Variants in C14orf39 observed in about 807,000 individuals in gnomAD.
The protein encoded by C14orf39 is protein SIX6OS1.
C14orf39 carries 66 observed loss-of-function variants against 85.6 expected under a neutral mutation model. That is an observed-to-expected ratio of 0.77 (90% confidence interval 0.63 to 0.95). C14orf39 has a LOEUF of 0.95. Ranked by LOEUF, C14orf39 falls within the 40% of genes least tolerant of loss-of-function variation. The probability of loss-of-function intolerance (pLI) is 0.00; values close to 1 mark genes in which losing one functional copy is unlikely to be tolerated. For synonymous variants in C14orf39, 242 were observed against 214.0 expected, an observed-to-expected ratio of 1.13 and a Z score of -1.14; for missense variants, 735 against 663.9, an observed-to-expected ratio of 1.11 and a Z score of -1.18.
At position 60,466,013 on chromosome 14, in the gene C14orf39, T is replaced by C. The variant is rs145485727; in HGVS notation, c.938A>G (p.Asn313Ser). 2.8e-4 allele frequency: 436 copies of C among 1,567,670 alleles called. No individual in the cohort carries two copies. The highest frequency in any genetic ancestry group is 3.6e-4 in the Non-Finnish European group (422 of 1,160,742). ...ESSAKQSKLANIDFRQKENDT... is the reference protein window; with the variant it reads ...ESSAKQSKLASIDFRQKENDT... ...ATTTTCTTTTTGTCTAAAGTCAATA[T>C]TGGCAAGCTTTGACTGCTTCGCAGA... Residue 313 changes from asparagine (N) to serine (S), a missense_variant, in exon 11 of 18, where the codon AAT (asparagine) becomes AGT (serine). Asn to Ser is a conservative substitution (Grantham distance 46, BLOSUM62 1). Transcript: ENST00000321731.
chr14:60,439,802 G>A (rs1019613210), intron 17 of C14orf39, among the ~76,000 whole-genome samples: 2 of 152,176 alleles, frequency 1.3e-5, no homozygotes, highest in African/African-American at 2.4e-5. Context: ...GGCTGGGTAC[G>A]GTGGCTCACG....
intron 5 of C14orf39, among the ~76,000 whole-genome samples, chr14:60,476,073 A>G (rs928902748): frequency 6.6e-6 from 1 of 152,190 alleles, no homozygotes; most frequent in African/African-American, 2.4e-5. Flanking sequence ...TCTGAATATT[A>G]CTAAACTGTC....
At position 60,471,468 on chromosome 14, in the gene C14orf39, T is replaced by G. The variant is rs763599302; in HGVS notation, c.512-9A>C. On this transcript the variant is annotated splice_polypyrimidine_tract_variant and intron_variant, in intron 6 of 17. Transcript: ENST00000321731. ...TGGAAAGGGAGCAGGCACTGAAAAA[T>G]AAAGTCACAGCATAAGCTGATTATT... 6.3e-7 allele frequency: 1 copy of G among 1,599,074 alleles called. No homozygotes were observed. The highest frequency in any genetic ancestry group is 1.1e-5 in the South Asian group (1 of 89,098).
At chr14:60,511,786 A>G (rs1893298118) in intron 1 of C14orf39, 3 of 163,698 alleles carry the variant, frequency 1.8e-5, no homozygotes, top group African/African-American at 7.2e-5. Context: ...AAAACAACCT[A>G]GTGGGCAACC....
Position 60,484,154 on chromosome 14 carries a change from G to A in C14orf39, c.107-337C>T, listed in dbSNP as rs989060328. On this transcript the variant is annotated intron_variant, in intron 3 of 17. Transcript: ENST00000321731. The surrounding 1 kb of genome is among the most constrained non-coding windows in gnomAD (Gnocchi z 4.2). Reference sequence around the variant, plus strand: ...TATGAATTCTTGCAAACATTTATTCGTTAATGACACTAATAGAAGCCTTCT... The same window carrying A: ...TATGAATTCTTGCAAACATTTATTCATTAATGACACTAATAGAAGCCTTCT... Among the ~76,000 whole-genome samples the A allele has an allele frequency of 2.6e-5, 4 of 152,128 alleles. No homozygotes were observed. The highest frequency in any genetic ancestry group is 9.7e-5 in the African/African-American group (4 of 41,434).
chr14:60,447,433 T>C (rs1890824311), intron 16 of C14orf39, among the ~76,000 whole-genome samples: 1 of 152,178 alleles, frequency 6.6e-6, no homozygotes, highest in Non-Finnish European at 1.5e-5. Context: ...ATGAGTGAAC[T>C]CCCATTCACA....
chr14:60,448,838 C>T (rs528027755), intron 16 of C14orf39, among the ~76,000 whole-genome samples: 76 of 152,236 alleles, frequency 5.0e-4, no homozygotes, highest in African/African-American at 1.8e-3. Context: ...ACATATACAC[C>T]ATGGAATACT....
chr14:60,492,565 A>C (rs924564347), intron 2 of C14orf39, among the ~76,000 whole-genome samples: 1 of 151,756 alleles, frequency 6.6e-6, no homozygotes, highest in Non-Finnish European at 1.5e-5. Flanking sequence ...CTTGAGTTCG[A>C]GACCAGCCTG....
intron 7 of C14orf39, 101 bp from the exon 8 acceptor site, chr14:60,469,754 ATGTTT>A: frequency 7.3e-6 from 4 of 548,506 alleles, no homozygotes; most frequent in Non-Finnish European, 1.1e-5. Flanking sequence ...ATTTATATGT[ATGTTT>A]CATATAAACA....
chr14:60,501,718 A>G lies in C14orf39; in HGVS notation c.-143-2288T>C, dbSNP rs78265210. On this transcript the variant is annotated intron_variant, in intron 1 of 5. Transcript: ENST00000556799. Reference sequence around the variant, plus strand: ...TTATTGCAACAACAGTGGTCCACAGAATAGGAAGGCCTACTTCAAAATAAC... The same window carrying G: ...TTATTGCAACAACAGTGGTCCACAGGATAGGAAGGCCTACTTCAAAATAAC... Among the ~76,000 whole-genome samples, 30 of 152,332 alleles carry G rather than the reference A, an allele frequency of 2.0e-4. No individual in the cohort carries two copies. The East Asian group carries it at 5.2e-3, about 26-fold the overall frequency.
chr14:60,478,006 C>T (rs948113842), intron 5 of C14orf39, among the ~76,000 whole-genome samples: 2 of 151,614 alleles, frequency 1.3e-5, no homozygotes, highest in Non-Finnish European at 2.9e-5. Context: ...GGTGAAACCC[C>T]GTCTCTACTA....
At chr14:60,459,010 G>A (rs543287165) in intron 13 of C14orf39, among the ~76,000 whole-genome samples, 15 of 151,814 alleles carry the variant, frequency 9.9e-5, no homozygotes, top group African/African-American at 3.1e-4. Context: ...TATTCACCAT[G>A]TCTTGCTCCT....
chr14:60,442,486 G>A (rs1249504527), intron 16 of C14orf39, among the ~76,000 whole-genome samples: 3 of 152,092 alleles, frequency 2.0e-5, no homozygotes, highest in African/African-American at 7.2e-5. Context: ...CTTCATGTCA[G>A]TTGAGATCAA....
intron 2 of C14orf39, chr14:60,495,882 T>C: frequency 2.6e-6 from 1 of 389,996 alleles, no homozygotes; most frequent in Admixed American, 3.0e-5. Context: ...CAGTATAGAA[T>C]ATAGAAAGAA....
intron 16 of C14orf39, among the ~76,000 whole-genome samples, chr14:60,443,384 T>TC (rs1292733303): frequency 2.6e-5 from 4 of 152,158 alleles, no homozygotes; most frequent in African/African-American, 9.7e-5. Flanking sequence ...CGTGCCTGGC[T>TC]CGGTGAGTGC....
chr14:60,487,550 G>T (rs1892919450), upstream of C14orf39, among the ~76,000 whole-genome samples: 1 of 152,002 alleles, frequency 6.6e-6, no homozygotes, highest in Admixed American at 6.6e-5. Context: ...GATAGGTTGA[G>T]TATATATCTT....
intron 5 of C14orf39, among the ~76,000 whole-genome samples, chr14:60,471,964 T>A (rs1380827172): frequency 6.6e-6 from 1 of 152,010 alleles, no homozygotes; most frequent in Non-Finnish European, 1.5e-5. Flanking sequence ...TTCTATTCAT[T>A]TTAACTCCTA....
At position 60,483,750 on chromosome 14, in the gene C14orf39, T is replaced by G. The variant is rs745368750; in HGVS notation, c.174A>C (p.Thr58=). 1.3e-6 allele frequency: 2 copies of G among 1,589,418 alleles called. No homozygotes were observed. Among genetic ancestry groups the G allele is most frequent in the Non-Finnish European group, 1.7e-6 (2 of 1,159,908 alleles). ...TACAGTAATGATCAATTTCCTCATC[T>G]GTTGCATTTATAGTTTCGTGTATCC... is the stretch of plus-strand genomic sequence containing the variant. ...ICRIHETINA[T]DEEIDHYCKH... The change falls in exon 4 of 18, where the codon ACA becomes ACC. Residue 58 remains threonine (T), a synonymous_variant. Transcript: ENST00000321731.
chr14:60,451,139 G>C (rs1891014527), intron 16 of C14orf39, among the ~76,000 whole-genome samples: 1 of 152,066 alleles, frequency 6.6e-6, no homozygotes, highest in Admixed American at 6.5e-5. Flanking sequence ...ACCAGTCCTG[G>C]TGATTTCTAA....
Sources: gnomAD v4.1 joint callset for allele counts (sites outside exome capture counted in the v4.1 genomes callset) on GRCh38, gnomAD v4.1.1 for gene constraint, Gnocchi (gnomAD v3.1) non-coding constraint, MANE v1.5 for transcripts, NCBI Gene and HGNC (gene_info 2026-07-23, HGNC 2026-07-21) for gene names.